The following FRMD3 variants were observed in gnomAD, a reference collection of about 807,000 sequenced individuals.
FRMD3 encodes the protein FERM domain containing 3.
Under a neutral mutation model 70.2 loss-of-function variants are expected in FRMD3, and 33 were observed. That is an observed-to-expected ratio of 0.47 (90% confidence interval 0.36 to 0.63). The LOEUF (loss-of-function observed/expected upper bound fraction) is 0.63, where lower values mean the gene tolerates loss of function less well. Among genes scored for constraint, FRMD3 ranks in the 20% least tolerant of loss-of-function variants. The pLI is 0.00. For synonymous variants in FRMD3, 279 were observed against 255.9 expected (o/e 1.09, Z -0.86); for missense variants, 632 against 711.4 (o/e 0.89, Z 1.27).
intron 6 of FRMD3, among the ~76,000 whole-genome samples, chr9:83,316,878 T>A (rs1835599870): frequency 6.6e-6 from 1 of 152,146 alleles, no homozygotes; most frequent in Non-Finnish European, 1.5e-5. Context: ...AGTAATATCT[T>A]ACTCTCCACC....
intron 13 of FRMD3, among the ~76,000 whole-genome samples, chr9:83,269,486 C>A (rs1402950291): frequency 6.6e-6 from 1 of 152,154 alleles, no homozygotes; most frequent in Non-Finnish European, 1.5e-5. Flanking sequence ...GCCGGCAGAT[C>A]ACTTGAGATC....
intron 1 of FRMD3, among the ~76,000 whole-genome samples, chr9:83,415,414 T>C (rs189756029): frequency 6.6e-6 from 1 of 150,388 alleles, no homozygotes; most frequent in East Asian, 1.9e-4. Context: ...CCAGTAAAAC[T>C]ATGTTCCTGA....
At chr9:83,251,793 A>G (rs945540610) in intron 13 of FRMD3, among the ~76,000 whole-genome samples, 1 of 152,236 alleles carries the variant, frequency 6.6e-6, no homozygotes, top group African/African-American at 2.4e-5. Flanking sequence ...TCTTTCTGAA[A>G]TAAGACAGGC....
rs186767666 is a variant in FRMD3 at position 83,462,108 on chromosome 9, C to T, written c.148-72400G>A. On this transcript the variant is annotated intron_variant, in intron 1 of 13. Coordinates refer to ENST00000304195, the MANE Select transcript of FRMD3 (RefSeq NM_174938.6). The stretch of plus-strand genomic sequence containing the variant: ...AAAAGTTACACAGTCCTGGGTTTGT[C>T]TGTCTTCATTTGTGAAATAAGGAAG... Among the ~76,000 whole-genome samples, 1,060 of 152,284 alleles carry T rather than the reference C, an allele frequency of 7.0e-3. 12 individuals carry two copies. The highest frequency in any genetic ancestry group is 0.024 in the African/African-American group (999 of 41,558).
intron 8 of FRMD3, among the ~76,000 whole-genome samples, chr9:83,310,880 T>A (rs1323713316): frequency 6.6e-6 from 1 of 152,168 alleles, no homozygotes; most frequent in Admixed American, 6.5e-5. Flanking sequence ...GGGAAGAACG[T>A]GGTGATTTCA....
chr9:83,349,046 G>A (rs938968354), intron 4 of FRMD3, among the ~76,000 whole-genome samples: 9 of 152,154 alleles, frequency 5.9e-5, no homozygotes, highest in African/African-American at 1.4e-4. Flanking sequence ...AGAGTTAAGC[G>A]CACAGCAGCG....
At chr9:83,517,917 G>A (rs1024342063) in intron 1 of FRMD3, among the ~76,000 whole-genome samples, 1 of 152,134 alleles carries the variant, frequency 6.6e-6, no homozygotes, top group African/African-American at 2.4e-5. Flanking sequence ...TGCAGAAAAG[G>A]TCTTTGATAA....
intron 1 of FRMD3, among the ~76,000 whole-genome samples, chr9:83,447,124 A>G (rs527998158): frequency 1.3e-5 from 2 of 152,236 alleles, no homozygotes; most frequent in African/African-American, 4.8e-5. Flanking sequence ...CCCTGGTTCA[A>G]GCGATTCTCC....
intron 5 of FRMD3, among the ~76,000 whole-genome samples, chr9:83,342,184 A>G (rs1030132591): frequency 3.3e-5 from 5 of 152,088 alleles, no homozygotes; most frequent in African/African-American, 1.2e-4. Context: ...AGGGGAACAG[A>G]ACACCTGAGC....
chr9:83,272,708 C>G (rs544154698), intron 13 of FRMD3, among the ~76,000 whole-genome samples: 1 of 146,210 alleles, frequency 6.8e-6, no homozygotes, highest in Non-Finnish European at 1.5e-5. Context: ...CGCCTCTTCC[C>G]GGCCGCCATC....
Position 83,245,539 on chromosome 9 carries a change from A to AAAT in FRMD3, c.*2376_*2378dup, listed in dbSNP as rs1832051977. 1 of 949,572 alleles carries AAAT rather than the reference A, an allele frequency of 1.1e-6. No individual in the cohort carries two copies. Among genetic ancestry groups the AAAT allele is most frequent in the Non-Finnish European group, 1.3e-6 (1 of 797,428 alleles). The allele number at this position is 949,572 out of a possible 1,614,324, so 58.8% of individuals were successfully genotyped here. A position where few individuals can be genotyped will look rare whatever the true frequency, so the allele number is the denominator to read the frequency against. Reference sequence around the variant, plus strand: ...AAAGAGATGTTAGCTGGAAATGTTAAAATAATATATTTATTACTCCTTAAG... The same window carrying AAAT: ...AAAGAGATGTTAGCTGGAAATGTTAAAATAATAATATATTTATTACTCCTTAAG... On this transcript the variant is annotated 3_prime_UTR_variant, in exon 14 of 14. Transcript: ENST00000304195.
At chr9:83,296,891 G>A (rs7034791) in intron 12 of FRMD3, among the ~76,000 whole-genome samples, 5,121 of 152,192 alleles carry the variant, frequency 0.034, 214 homozygotes, top group African/African-American at 0.1. Context: ...GACCAGCCGC[G>A]TGACCATCAT....
chr9:83,389,642 A>G lies in FRMD3; in HGVS notation c.214T>C (p.Tyr72His). 6.2e-7 allele frequency: 1 copy of G among 1,614,008 alleles called. No individual in the cohort carries two copies. Among genetic ancestry groups the G allele is most frequent in the Non-Finnish European group, 8.5e-7 (1 of 1,179,900 alleles). ...CNYYSLLEKD[Y>H]FGIRYVDPEK... The stretch of plus-strand genomic sequence containing the variant: ...GGGTCCACATAGCGAATGCCAAAGT[A>G]GTCCTTCTCCAGCAGGCTGTAGTAG... The change falls in exon 2 of 14, where the codon TAC (tyrosine) becomes CAC (histidine). Residue 72 changes from tyrosine to histidine, a missense_variant. Around this residue, in one of 3 missense-constraint regions of FRMD3, gnomAD observed 208 missense variants for 247.7 expected, o/e 0.84. Coordinates refer to ENST00000304195, the MANE Select transcript of FRMD3 (RefSeq NM_174938.6).
intron 1 of FRMD3, among the ~76,000 whole-genome samples, chr9:83,420,531 GA>G (rs778912181): frequency 6.6e-5 from 10 of 152,174 alleles, no homozygotes; most frequent in Non-Finnish European, 1.3e-4. Flanking sequence ...TTTGGATCTA[GA>G]AAGACACAGG....
chr9:83,415,621 T>TTA (rs200023029), intron 1 of FRMD3, among the ~76,000 whole-genome samples: 3 of 140,158 alleles, frequency 2.1e-5, no homozygotes, highest in East Asian at 2.5e-4. Flanking sequence ...TTTCTTTTTT[T>TTA]TTTTTTTTTT....
At chr9:83,360,844 G>C (rs1047771102) in intron 3 of FRMD3, among the ~76,000 whole-genome samples, 2 of 152,168 alleles carry the variant, frequency 1.3e-5, no homozygotes, top group African/African-American at 4.8e-5. Flanking sequence ...AAGGGTTTTT[G>C]TCATTACTAT....
intron 13 of FRMD3, among the ~76,000 whole-genome samples, chr9:83,273,929 T>C (rs1833706273): frequency 6.6e-6 from 1 of 152,142 alleles, no homozygotes; most frequent in Non-Finnish European, 1.5e-5. Context: ...GTGATCCTCC[T>C]GCCTCAGCCT....
chr9:83,350,094 C>A (rs760386399), intron 3 of FRMD3, among the ~76,000 whole-genome samples: 2 of 152,110 alleles, frequency 1.3e-5, no homozygotes, highest in Admixed American at 6.5e-5. Context: ...TTCTTCCCAC[C>A]CCTTGTGACA....
chr9:83,259,175 T>C (rs1832866782), intron 13 of FRMD3, among the ~76,000 whole-genome samples: 1 of 152,228 alleles, frequency 6.6e-6, no homozygotes, highest in Non-Finnish European at 1.5e-5. Flanking sequence ...TTATTTTGTA[T>C]ACCACACAAC....
Sources: gnomAD v4.1 joint callset for allele counts (sites outside exome capture counted in the v4.1 genomes callset) on GRCh38, gnomAD v4.1.1 for gene constraint, gnomAD v4.1.1 regional missense constraint, MANE v1.5 for transcripts, NCBI Gene and HGNC (gene_info 2026-07-23, HGNC 2026-07-21) for gene names.